The following NEK8 variants were observed in gnomAD, a reference collection of about 807,000 sequenced individuals.
NEK8 encodes the protein NIMA related kinase 8, also known as serine/threonine-protein kinase Nek8.
In NEK8, 51 loss-of-function variants were observed where a neutral mutation model predicts 77.2. The ratio of observed to expected loss-of-function variants is 0.66; its 90% CI spans 0.53 to 0.83. The LOEUF is 0.83. Ranked by LOEUF, NEK8 falls within the 40% of genes least tolerant of loss-of-function variation. The pLI, the probability that NEK8 is intolerant of heterozygous loss-of-function variation, is 0.00. For synonymous variants in NEK8, 365 were observed against 363.2 expected (o/e 1.00, Z -0.06); for missense variants, 787 against 909.2 (o/e 0.87, Z 1.73).
intron 1 of NEK8, among the ~76,000 whole-genome samples, chr17:28,729,777 C>T (rs2034289258): frequency 6.6e-6 from 1 of 152,018 alleles, no homozygotes; most frequent in Non-Finnish European, 1.5e-5. Context: ...AATTCCTGAC[C>T]TCAGGTGATC....
Position 28,741,988 on chromosome 17 carries a change from G to C in NEK8, c.*1G>C, listed in dbSNP as rs1355881390. 6.2e-7 allele frequency: 1 copy of C among 1,613,886 alleles called. No homozygotes were observed. Among genetic ancestry groups the C allele is most frequent in the Non-Finnish European group, 8.5e-7 (1 of 1,179,962 alleles). On this transcript the variant is annotated 3_prime_UTR_variant, in exon 15 of 15. Transcript: ENST00000268766. This position sits in a 1 kb window ranked among gnomAD's most constrained non-coding sequence, Gnocchi z 4.5. ...CACAGATGAGCCGGTCCCCCCCTGAGGCACCCGGATTCACCTCTGGACCAC... is the reference window on the plus strand; with the variant it reads ...CACAGATGAGCCGGTCCCCCCCTGACGCACCCGGATTCACCTCTGGACCAC...
At chr17:28,739,367 TGTGCTGG>T (rs1321105620) in intron 10 of NEK8, among the ~76,000 whole-genome samples, 166 bp downstream of exon 10, 1 of 152,232 alleles carries the variant, frequency 6.6e-6, no homozygotes, top group Non-Finnish European at 1.5e-5. Flanking sequence ...GTGCACACCC[TGTGCTGG>T]GTGCTGAGAT....
chr17:28,740,541 G>T lies in NEK8; in HGVS notation c.1496G>T (p.Arg499Leu). ...VPMPPGQEAQ[R>L]VVCGIDSSMI... is the part of the protein sequence containing the mutation. ...ATGCCCCCAGGACAGGAAGCTCAGC[G>T]AGTTGTATGTGGTATCGATTCCTCC... Residue 499 changes from arginine (R) to leucine (L), a missense_variant, in exon 11 of 15, where the codon CGA (arginine) becomes CTA (leucine). Physicochemically the swap from Arg to Leu is moderately radical, Grantham distance 102. Coordinates refer to ENST00000268766, the MANE Select transcript of NEK8 (RefSeq NM_178170.3). This position sits in a 1 kb window ranked among gnomAD's most constrained non-coding sequence, Gnocchi z 4.7. 6.2e-7 allele frequency: 1 copy of T among 1,614,164 alleles called. No homozygotes were observed. Among genetic ancestry groups the T allele is most frequent in the Non-Finnish European group, 8.5e-7 (1 of 1,180,012 alleles).
At position 28,728,808 on chromosome 17, in the gene NEK8, A is replaced by C. The variant is rs866179988; in HGVS notation, c.-6A>C. The C allele has an allele frequency of 5.2e-6, 8 of 1,551,070 alleles. No individual in the cohort carries two copies. Among genetic ancestry groups the C allele is most frequent in the Non-Finnish European group, 5.2e-6 (6 of 1,146,614 alleles). ...GGGGGACGGAAGTGAAACTCTAAGA[A>C]ATGAGATGGAGAAGTACGAGCGGAT... On this transcript the variant is annotated 5_prime_UTR_variant, in exon 1 of 15. Coordinates refer to ENST00000268766, the MANE Select transcript of NEK8 (RefSeq NM_178170.3).
At position 28,734,613 on chromosome 17, in the gene NEK8, G is replaced by A. The variant is rs546957695; in HGVS notation, c.254-159G>A. On this transcript the variant is annotated intron_variant, in intron 2 of 14. Coordinates refer to ENST00000268766, the MANE Select transcript of NEK8 (RefSeq NM_178170.3). ...GCAGGAGAATGGCTTGAACCCGGGA[G>A]GGGGGGCTTGCAGCAGTGAGCTGAG... 0.047 allele frequency: 29,481 copies of A among 633,252 alleles called. 865 individuals carry two copies. Among genetic ancestry groups the A allele is most frequent in the South Asian group, 0.061 (3,233 of 52,774 alleles). The allele number at this position is 633,252 out of a possible 1,614,324, so 39.2% of individuals were successfully genotyped here. A position where few individuals can be genotyped will look rare whatever the true frequency, so the allele number is the denominator to read the frequency against.
At chr17:28,731,688 C>T (rs1291204054) in intron 1 of NEK8, among the ~76,000 whole-genome samples, 3 of 151,226 alleles carry the variant, frequency 2.0e-5, no homozygotes, top group African/African-American at 4.9e-5. Flanking sequence ...ATTGCAAGCT[C>T]CGCCTCCCAG....
chr17:28,729,571 C>G (rs139477128), intron 1 of NEK8, among the ~76,000 whole-genome samples: 1 of 129,540 alleles, frequency 7.7e-6, no homozygotes, highest in Non-Finnish European at 1.6e-5. Context: ...CAGTCTCACT[C>G]TGTCGCAGTG....
rs373552575 is a variant in NEK8 at position 28,739,053 on chromosome 17, C to A, written c.1300-31C>A. The A allele has an allele frequency of 6.5e-6, 10 of 1,539,566 alleles. No homozygotes were observed. The African/African-American group carries it at 1.4e-4, about 21-fold the overall frequency. ...AGCCAGATGGCTCCAGACCCTTTGC[C>A]CAGTTTCTCCTTGCTTCCTCTCCTC... is the stretch of plus-strand genomic sequence containing the variant. On this transcript the variant is annotated intron_variant, in intron 9 of 14. Transcript: ENST00000268766.
At chr17:28,729,334 C>A (rs1027102278) in intron 1 of NEK8, among the ~76,000 whole-genome samples, 1 of 152,142 alleles carries the variant, frequency 6.6e-6, no homozygotes, top group Non-Finnish European at 1.5e-5. Context: ...AGGAAGAATT[C>A]TCTGAGAAGG....
chr17:28,731,641 T>C (rs1394618082), intron 1 of NEK8, among the ~76,000 whole-genome samples: 1 of 151,452 alleles, frequency 6.6e-6, no homozygotes, highest in Non-Finnish European at 1.5e-5. Flanking sequence ...TCTCGCTCTG[T>C]CACCCAGACT....
At position 28,735,220 on chromosome 17, in the gene NEK8, T is replaced by C. The variant is rs1347564942; in HGVS notation, c.487-20T>C. The C allele has an allele frequency of 6.2e-7, 1 of 1,613,854 alleles. No individual in the cohort carries two copies. Among genetic ancestry groups the C allele is most frequent in the East Asian group, 2.2e-5 (1 of 44,862 alleles). On this transcript the variant is annotated intron_variant, in intron 3 of 14. Transcript: ENST00000268766. ...GTCTTCCCTCCCTGCAGGGCTGTGA[T>C]CCCAGCTTCTATCCTGCAGGTGGTG...
intron 1 of NEK8, among the ~76,000 whole-genome samples, chr17:28,730,895 C>T (rs921248596): frequency 1.3e-5 from 2 of 152,038 alleles, no homozygotes; most frequent in Non-Finnish European, 2.9e-5. Context: ...TGCACTTCAA[C>T]TTGGTTGACA....
chr17:28,731,000 T>G (rs1229063517), intron 1 of NEK8, among the ~76,000 whole-genome samples: 1 of 150,596 alleles, frequency 6.6e-6, no homozygotes. Flanking sequence ...GGCCTGTAAT[T>G]CTAGCACTTT....
intron 1 of NEK8, among the ~76,000 whole-genome samples, chr17:28,731,772 T>C (rs2034309631): frequency 6.7e-6 from 1 of 148,968 alleles, no homozygotes; most frequent in Non-Finnish European, 1.5e-5. Flanking sequence ...CCCGGCTAAT[T>C]TTTTTGTATT....
Position 28,729,516 on chromosome 17 carries a change from C to T in NEK8, c.47+656C>T, listed in dbSNP as rs187825759. Among the ~76,000 whole-genome samples the T allele has an allele frequency of 2.0e-3, 295 of 150,390 alleles. 2 individuals carry two copies. Among genetic ancestry groups the T allele is most frequent in the African/African-American group, 6.9e-3 (281 of 41,018 alleles). On this transcript the variant is annotated intron_variant, in intron 1 of 14. Transcript: ENST00000268766. ...GATTACAGGCGTGCGCCACCATGCC[C>T]GGCTAAATTTTTTGGATTTTTTTTT...
At chr17:28,734,447 G>A (rs1417154897) in intron 2 of NEK8, 7 of 572,864 alleles carry the variant, frequency 1.2e-5, no homozygotes, top group South Asian at 4.0e-5. Flanking sequence ...ACGCCGAGGC[G>A]GGCGGATCAT....
chr17:28,730,813 C>T (rs1483138141), intron 1 of NEK8, among the ~76,000 whole-genome samples: 4 of 152,078 alleles, frequency 2.6e-5, no homozygotes, highest in Non-Finnish European at 5.9e-5. Context: ...GTCCCAACTA[C>T]TCAGGAGGCT....
At position 28,740,804 on chromosome 17, in the gene NEK8, T is replaced by C; in HGVS notation, c.1569-18T>C. 1.2e-6 allele frequency: 2 copies of C among 1,613,190 alleles called. No individual in the cohort carries two copies. The highest frequency in any genetic ancestry group is 1.7e-6 in the Non-Finnish European group (2 of 1,180,014). ...AAACTGTCTGTCAGTTGGATTTGGC[T>C]TCTGGCTCTGCCCTCAGGTTCAACA... On this transcript the variant is annotated intron_variant, in intron 11 of 14. Transcript: ENST00000268766. This position sits in a 1 kb window ranked among gnomAD's most constrained non-coding sequence, Gnocchi z 4.7.
At chr17:28,733,720 C>T (rs574912089) in intron 1 of NEK8, among the ~76,000 whole-genome samples, 1 of 152,268 alleles carries the variant, frequency 6.6e-6, no homozygotes, top group African/African-American at 2.4e-5. Context: ...AGAGGAGGCA[C>T]CCAGATTTGA....
Sources: allele counts gnomAD v4.1 joint callset (sites outside exome capture counted in the v4.1 genomes callset), GRCh38; gene constraint gnomAD v4.1.1; non-coding constraint Gnocchi (gnomAD v3.1); transcripts MANE v1.5; gene names NCBI Gene and HGNC (gene_info 2026-07-23, HGNC 2026-07-21).